Variants in TRAPPC12 observed in about 807,000 individuals in gnomAD.
The protein encoded by TRAPPC12 is TPR repeat protein 15.
TRAPPC12 carries 61 observed loss-of-function variants against 69.2 expected under a neutral mutation model. The ratio of observed to expected loss-of-function variants is 0.88; its 90% confidence interval spans 0.72 to 1.09. The LOEUF (loss-of-function observed/expected upper bound fraction) is 1.09, where lower values mean the gene tolerates loss of function less well. Among genes scored for constraint, TRAPPC12 ranks in the 50% least tolerant of loss-of-function variants. The pLI, the probability that TRAPPC12 is intolerant of heterozygous loss-of-function variation, is 0.00. For missense variants in TRAPPC12, 1,101 were observed against 1,016.4 expected (o/e 1.08, Z -1.13); for synonymous variants, 469 against 438.9 (o/e 1.07, Z -0.86).
chr2:3,430,441 G>C (rs564485734), intron 5 of TRAPPC12, among the ~76,000 whole-genome samples: 1 of 152,244 alleles, frequency 6.6e-6, no homozygotes, highest in East Asian at 1.9e-4. Context: ...GATTTCTGCC[G>C]AATTATGTGT....
At position 3,479,420 on chromosome 2, in the gene TRAPPC12, G is replaced by T; in HGVS notation, c.2167G>T (p.Glu723Ter). Reference protein sequence around the residue: ...QALLEAVAGKEGDSFNTQCLK... With the variant: ...QALLEAVAGK ...CCTGCTGGAGGCTGTCGCCGGCAAG[G>T]AGGGGGACAGCTTCAACACACAGTG... The change falls in exon 12 of 12, where the codon GAG becomes TAG. Residue 723 changes from glutamate to a stop codon, truncating the protein, a stop_gained. Coordinates refer to ENST00000324266, the MANE Select transcript of TRAPPC12 (RefSeq NM_016030.6). LOFTEE classifies it high-confidence loss of function. The T allele has an allele frequency of 6.2e-7, 1 of 1,614,120 alleles. No individual in the cohort carries two copies. Among genetic ancestry groups the T allele is most frequent in the Non-Finnish European group, 8.5e-7 (1 of 1,180,044 alleles).
At chr2:3,385,164 ATTTT>A (rs1198161865) in intron 1 of TRAPPC12, among the ~76,000 whole-genome samples, 1 of 152,074 alleles carries the variant, frequency 6.6e-6, no homozygotes, top group Non-Finnish European at 1.5e-5. Context: ...GTTTTATATC[ATTTT>A]TATTTGAGCA....
intron 3 of TRAPPC12, among the ~76,000 whole-genome samples, chr2:3,416,929 C>T (rs555018963): frequency 1.4e-5 from 2 of 146,742 alleles, no homozygotes; most frequent in Non-Finnish European, 3.0e-5. Flanking sequence ...TGCCCCTTCA[C>T]TGTGCCCTGC....
intron 5 of TRAPPC12, among the ~76,000 whole-genome samples, chr2:3,438,666 G>C (rs1047158400): frequency 6.6e-6 from 1 of 151,442 alleles, no homozygotes; most frequent in African/African-American, 2.4e-5. Flanking sequence ...CTTTTCCAAA[G>C]GTCTTATAGT....
intron 6 of TRAPPC12, among the ~76,000 whole-genome samples, chr2:3,453,994 A>G (rs919527643): frequency 2.6e-5 from 4 of 152,194 alleles, no homozygotes; most frequent in Admixed American, 6.5e-5. Context: ...GGACCTATCA[A>G]TTGACATTAA....
chr2:3,391,368 A>G (rs1420280276), intron 2 of TRAPPC12, among the ~76,000 whole-genome samples: 1 of 152,188 alleles, frequency 6.6e-6, no homozygotes, highest in African/African-American at 2.4e-5. Context: ...GACTGTGACT[A>G]TTGCTATTGA....
chr2:3,420,580 C>T (rs1156626337), intron 3 of TRAPPC12, among the ~76,000 whole-genome samples: 2 of 152,136 alleles, frequency 1.3e-5, no homozygotes, highest in Non-Finnish European at 2.9e-5. Context: ...CATGTCAGAA[C>T]CCCGGAAGAC....
At chr2:3,392,020 T>C (rs1401856331) in intron 2 of TRAPPC12, among the ~76,000 whole-genome samples, 3 of 152,190 alleles carry the variant, frequency 2.0e-5, no homozygotes, top group African/African-American at 7.2e-5. Context: ...AACTGGGTGC[T>C]GCAGTCCAAC....
chr2:3,463,358 G>T (rs967489214), intron 8 of TRAPPC12, among the ~76,000 whole-genome samples: 4 of 151,686 alleles, frequency 2.6e-5, no homozygotes, highest in Non-Finnish European at 4.4e-5. Flanking sequence ...ACTGGCGAGC[G>T]CTACTGTTGC....
intron 5 of TRAPPC12, among the ~76,000 whole-genome samples, chr2:3,439,036 A>G (rs1170138926): frequency 6.6e-6 from 1 of 152,028 alleles, no homozygotes; most frequent in South Asian, 2.1e-4. Context: ...ATCTTCCAAA[A>G]CTTTCATACT....
intron 3 of TRAPPC12, among the ~76,000 whole-genome samples, chr2:3,415,771 C>T (rs1012875206): frequency 6.8e-6 from 1 of 147,496 alleles, no homozygotes; most frequent in Non-Finnish European, 1.5e-5. Context: ...GGCTGGAGTA[C>T]AGTGGTGCGA....
chr2:3,446,791 G>A (rs912649909), intron 6 of TRAPPC12, among the ~76,000 whole-genome samples: 5 of 152,186 alleles, frequency 3.3e-5, no homozygotes, highest in Non-Finnish European at 7.3e-5. Flanking sequence ...CTGGCAGTTC[G>A]GGACTCAACA....
intron 1 of TRAPPC12, among the ~76,000 whole-genome samples, chr2:3,382,024 T>C (rs542761332): frequency 6.6e-6 from 1 of 152,330 alleles, no homozygotes; most frequent in South Asian, 2.1e-4. Flanking sequence ...ATGTTAGATA[T>C]GGAAGAGTTC....
intron 2 of TRAPPC12, among the ~76,000 whole-genome samples, chr2:3,399,533 AGGCTGGCCTCT>A (rs1661305504): frequency 6.6e-6 from 1 of 152,302 alleles, no homozygotes; most frequent in East Asian, 1.9e-4. Flanking sequence ...AGAAAACGTG[AGGCTGGCCTCT>A]GCGAGCACCA....
intron 2 of TRAPPC12, among the ~76,000 whole-genome samples, chr2:3,395,815 C>T (rs891745994): frequency 6.6e-6 from 1 of 151,668 alleles, no homozygotes; most frequent in Non-Finnish European, 1.5e-5. Flanking sequence ...CTCCAACCTC[C>T]ACCTCCCAGG....
rs906542332 is a variant in TRAPPC12 at position 3,388,338 on chromosome 2, G to C, written c.715G>C (p.Gly239Arg). The C allele has an allele frequency of 2.5e-6, 4 of 1,593,470 alleles. No individual in the cohort carries two copies. In the African/African-American group the frequency reaches 5.5e-5, roughly 22 times the overall value. ...TSAFISVSNPGAGSPAPASPP... is the reference protein window; with the variant it reads ...TSAFISVSNPRAGSPAPASPP... ...CGCCTTCATTTCCGTCAGCAATCCC[G>C]GCGCGGGCTCCCCGGCCCCCGCCAG... Residue 239 changes from glycine to arginine, a missense_variant, in exon 2 of 12, where the codon GGC (glycine) becomes CGC (arginine). Transcript: ENST00000324266.
intron 1 of TRAPPC12, among the ~76,000 whole-genome samples, chr2:3,382,463 G>A (rs1205464649): frequency 6.6e-6 from 1 of 152,066 alleles, no homozygotes; most frequent in Non-Finnish European, 1.5e-5. Context: ...TAGAAGAAAG[G>A]TATTTTGATG....
At chr2:3,418,314 T>C (rs540182244) in intron 3 of TRAPPC12, among the ~76,000 whole-genome samples, 2 of 151,614 alleles carry the variant, frequency 1.3e-5, no homozygotes, top group Non-Finnish European at 2.9e-5. Context: ...CCTGCTTTGT[T>C]ATCACTGCAT....
rs112888613 is a variant in TRAPPC12 at position 3,430,217 on chromosome 2, G to T, written c.1417+5554G>T. ...CACCTTTCGGCTATTATGAGCAATG[G>T]TGTTATGGGCATCCTTGTACATTTC... On this transcript the variant is annotated intron_variant, in intron 5 of 11. Transcript: ENST00000324266. 7.2e-5 allele frequency among the ~76,000 whole-genome samples: 11 copies of T among 152,258 alleles called. 1 individual carries two copies. Among genetic ancestry groups the T allele is most frequent in the African/African-American group, 2.6e-4 (11 of 41,536 alleles).
Sources: gnomAD v4.1 joint callset for allele counts (sites outside exome capture counted in the v4.1 genomes callset) on GRCh38, gnomAD v4.1.1 for gene constraint, MANE v1.5 for transcripts, NCBI Gene and HGNC (gene_info 2026-07-23, HGNC 2026-07-21) for gene names.